Variants in GALNT13 observed in about 807,000 individuals in gnomAD.
GALNT13 encodes polypeptide N-acetylgalactosaminyltransferase 13.
GALNT13 carries 28 observed loss-of-function variants against 64.2 expected under a neutral mutation model. The ratio of observed to expected loss-of-function variants is 0.44; its 90% CI spans 0.32 to 0.60. The LOEUF (loss-of-function observed/expected upper bound fraction) is 0.60, where lower values mean the gene tolerates loss of function less well. Ranked by LOEUF, GALNT13 falls within the 20% of genes least tolerant of loss-of-function variation. The probability of loss-of-function intolerance (pLI) is 0.05; values close to 1 mark genes in which losing one functional copy is unlikely to be tolerated. For synonymous variants in GALNT13, 214 were observed against 224.6 expected, an observed-to-expected ratio of 0.95 and a Z score of 0.42; for missense variants, 577 against 669.8, an observed-to-expected ratio of 0.86 and a Z score of 1.53.
the GALNT13 span, among the ~76,000 whole-genome samples, chr2:153,431,753 C>T: frequency 5.3e-5 from 8 of 152,260 alleles, no homozygotes; most frequent in South Asian, 4.1e-4. Flanking sequence ...AAGGGATCAC[C>T]CATTTCTTTT....
the GALNT13 span, among the ~76,000 whole-genome samples, chr2:153,288,869 T>A: frequency 1.3e-5 from 2 of 152,212 alleles, no homozygotes; most frequent in Non-Finnish European, 2.9e-5. Flanking sequence ...AAGGGGCTAC[T>A]GTACTTAAAT....
At chr2:153,478,563 C>T in the GALNT13 span, 1 of 1,582,072 alleles carries the variant, frequency 6.3e-7, no homozygotes, top group Non-Finnish European at 8.6e-7. Flanking sequence ...GGGCCGGATT[C>T]ATCGCAGGAA....
chr2:153,646,247 G>A, the GALNT13 span, among the ~76,000 whole-genome samples: 10 of 151,818 alleles, frequency 6.6e-5, no homozygotes, highest in Admixed American at 2.6e-4. Flanking sequence ...GCCTTTATAA[G>A]TAATCTTAAG....
At chr2:153,829,396 A>G in the GALNT13 span, among the ~76,000 whole-genome samples, 1 of 152,096 alleles carries the variant, frequency 6.6e-6, no homozygotes, top group African/African-American at 2.4e-5. Flanking sequence ...AGAAGGAGCA[A>G]GTCTCATCTT....
chr2:153,633,569 C>T, the GALNT13 span, among the ~76,000 whole-genome samples: 21 of 152,248 alleles, frequency 1.4e-4, no homozygotes, highest in African/African-American at 4.8e-4. Context: ...TGTTTGCCTA[C>T]TACAATATTT....
the GALNT13 span, among the ~76,000 whole-genome samples, chr2:153,560,898 C>A: frequency 6.6e-6 from 1 of 152,004 alleles, no homozygotes; most frequent in Non-Finnish European, 1.5e-5. Context: ...ACAAAATTAA[C>A]TTAGAATTAA....
intron 8 of GALNT13, among the ~76,000 whole-genome samples, chr2:154,298,879 A>G (rs1445090781): frequency 5.5e-5 from 2 of 36,632 alleles, no homozygotes; most frequent in Non-Finnish European, 1.2e-4. Context: ...TACATTATAT[A>G]TTATTTATAT....
At chr2:154,299,455 CTTTTT>C (rs1188035624) in intron 8 of GALNT13, among the ~76,000 whole-genome samples, 1 of 131,532 alleles carries the variant, frequency 7.6e-6, no homozygotes, top group Non-Finnish European at 1.6e-5. Flanking sequence ...CAATGAAATA[CTTTTT>C]TTTTTTTTTT....
chr2:154,446,885 G>A, intron 12 of GALNT13: 2 of 996,980 alleles, frequency 2.0e-6, no homozygotes. Context: ...TCTCCATGGA[G>A]TTAACTCTCT....
chr2:153,699,252 C>T, the GALNT13 span, among the ~76,000 whole-genome samples: 29 of 152,116 alleles, frequency 1.9e-4, no homozygotes, highest in African/African-American at 4.8e-4. Context: ...GGATAAATAA[C>T]GAAATTAAGG....
the GALNT13 span, among the ~76,000 whole-genome samples, chr2:153,713,502 G>T: frequency 0.02 from 3,093 of 151,606 alleles, 104 homozygotes; most frequent in African/African-American, 0.07. Flanking sequence ...TCTTTTTTTT[G>T]TGTGTTGGAG....
At chr2:154,026,104 A>G (rs910756375) in intron 3 of GALNT13, among the ~76,000 whole-genome samples, 1 of 152,182 alleles carries the variant, frequency 6.6e-6, no homozygotes, top group Non-Finnish European at 1.5e-5. Flanking sequence ...TAACAGTAGA[A>G]GATTTATTTC....
chr2:153,753,369 G>T, the GALNT13 span, among the ~76,000 whole-genome samples: 2 of 152,118 alleles, frequency 1.3e-5, no homozygotes, highest in East Asian at 1.9e-4. Flanking sequence ...GCCTGGGCTT[G>T]TTTGTATCTG....
At chr2:153,986,296 G>T (rs1168222721) in intron 3 of GALNT13, among the ~76,000 whole-genome samples, 1 of 152,034 alleles carries the variant, frequency 6.6e-6, no homozygotes, top group South Asian at 2.1e-4. Context: ...GGAAAAATGT[G>T]TCATACTCAA....
the GALNT13 span, among the ~76,000 whole-genome samples, chr2:153,483,536 C>A: frequency 6.7e-6 from 1 of 148,998 alleles, no homozygotes; most frequent in Non-Finnish European, 1.5e-5. Flanking sequence ...CCTGCCTCTG[C>A]TTCCTGAGTA....
the GALNT13 span, among the ~76,000 whole-genome samples, chr2:153,804,678 T>C: frequency 5.9e-5 from 9 of 152,148 alleles, no homozygotes; most frequent in African/African-American, 2.2e-4. Context: ...GTAAATAACA[T>C]GGAAATAACT....
the GALNT13 span, among the ~76,000 whole-genome samples, chr2:153,185,804 T>G: frequency 3.3e-5 from 5 of 152,326 alleles, no homozygotes; most frequent in Admixed American, 3.3e-4. Context: ...ACAATGTGAT[T>G]GTGTTGTGGT....
chr2:154,069,939 C>T (rs1270943978), intron 3 of GALNT13, among the ~76,000 whole-genome samples: 1 of 152,038 alleles, frequency 6.6e-6, no homozygotes, highest in Admixed American at 6.6e-5. Context: ...GAAACAGTGA[C>T]AACATAAACT....
At chr2:153,378,255 T>TATAGATAG in the GALNT13 span, among the ~76,000 whole-genome samples, 52 of 143,674 alleles carry the variant, frequency 3.6e-4, no homozygotes, top group South Asian at 6.8e-4. Context: ...TTTAGAACAT[T>TATAGATAG]ATAGATAGAT....
Sources: allele counts gnomAD v4.1 joint callset (sites outside exome capture counted in the v4.1 genomes callset), GRCh38; gene constraint gnomAD v4.1.1; transcripts MANE v1.5; gene names NCBI Gene and HGNC (gene_info 2026-07-23, HGNC 2026-07-21).